The following CCDC112 variants were observed in gnomAD, a reference collection of about 807,000 sequenced individuals.
CCDC112 encodes coiled-coil domain containing 112.
In CCDC112, 40 loss-of-function variants were observed where a neutral mutation model predicts 66.3. That is an observed-to-expected ratio of 0.60 (90% CI 0.47 to 0.79). The LOEUF is 0.79. Among genes scored for constraint, CCDC112 ranks in the 30% least tolerant of loss-of-function variants. The pLI is 0.00. For missense variants in CCDC112, 659 were observed against 603.8 expected, an observed-to-expected ratio of 1.09 and a Z score of -0.96; for synonymous variants, 214 against 197.2, an observed-to-expected ratio of 1.09 and a Z score of -0.71.
At position 115,275,267 on chromosome 5, in the gene CCDC112, C is replaced by T. The variant is rs1298524377; in HGVS notation, c.867G>A (p.Gln289=). The change falls in exon 6 of 10, where the codon CAG becomes CAA. Residue 289 remains glutamine, a synonymous_variant. Coordinates refer to ENST00000379611, the MANE Select transcript of CCDC112 (RefSeq NM_001040440.3). The part of the protein sequence containing the change: ...LPGKTQDEVQ[Q]HEKWYQKFLA... ...GAAACTTTTGATACCATTTTTCATG[C>T]TGTTGAACTTCATCTTGTGTTTTTC... 6.2e-7 allele frequency: 1 copy of T among 1,613,046 alleles called. No individual in the cohort carries two copies. Among genetic ancestry groups the T allele is most frequent in the East Asian group, 2.2e-5 (1 of 44,878 alleles).
intron 5 of CCDC112, 120 bp downstream of exon 5, chr5:115,275,874 T>G: frequency 1.3e-6 from 1 of 761,292 alleles, no homozygotes; most frequent in Non-Finnish European, 2.1e-6. Flanking sequence ...GATATTATAT[T>G]GCTTTTGTAT....
Position 115,279,737 on chromosome 5 carries a change from G to C in CCDC112, c.271C>G (p.His91Asp), listed in dbSNP as rs758298640. Residue 91 changes from histidine to aspartate, a missense_variant, in exon 3 of 10, where the codon CAT becomes GAT. Coordinates refer to ENST00000379611, the MANE Select transcript of CCDC112 (RefSeq NM_001040440.3). ...AAGTCACTTTTTTGGTTGTAGAAAT[G>C]ACTGTGTTTATCTTTTTCCATGTTA... ...VINMEKDKHS[H>D]FYNQKSDFRI... The C allele has an allele frequency of 6.5e-7, 1 of 1,545,254 alleles. No individual in the cohort carries two copies. Among genetic ancestry groups the C allele is most frequent in the Non-Finnish European group, 8.9e-7 (1 of 1,118,914 alleles).
intron 1 of CCDC112, among the ~76,000 whole-genome samples, chr5:115,295,203 T>A (rs1189656912): frequency 1.3e-5 from 2 of 152,122 alleles, no homozygotes; most frequent in Non-Finnish European, 2.9e-5. Flanking sequence ...ATCCAACCCC[T>A]GAGAAGGCAA....
At chr5:115,281,744 G>A (rs981712414) in intron 2 of CCDC112, among the ~76,000 whole-genome samples, 7 of 152,112 alleles carry the variant, frequency 4.6e-5, no homozygotes, top group African/African-American at 1.4e-4. Context: ...CTAATTAATG[G>A]AGACAAGTCG....
chr5:115,290,221 AC>A (rs1262641664), intron 1 of CCDC112, among the ~76,000 whole-genome samples: 1 of 152,154 alleles, frequency 6.6e-6, no homozygotes, highest in African/African-American at 2.4e-5. Flanking sequence ...AATTGTCCAA[AC>A]TTTTGTTGAA....
chr5:115,271,407 CTTCTTT>C lies in CCDC112; in HGVS notation c.1132_1137del (p.Lys378_Glu379del). On this transcript the variant is annotated inframe_deletion, in exon 7 of 10. Coordinates refer to ENST00000379611, the MANE Select transcript of CCDC112 (RefSeq NM_001040440.3). ...TGATGTTTTTTCTCTTTCTCTTCTT[CTTCTTT>C]TAACTGGGAAGCACATTTCATTGAC... is the stretch of plus-strand genomic sequence containing the variant. 6.2e-7 allele frequency: 1 copy of C among 1,608,050 alleles called. No homozygotes were observed. Among genetic ancestry groups the C allele is most frequent in the Non-Finnish European group, 8.5e-7 (1 of 1,178,810 alleles).
At chr5:115,293,499 T>C (rs1750022040) in intron 1 of CCDC112, among the ~76,000 whole-genome samples, 1 of 152,204 alleles carries the variant, frequency 6.6e-6, no homozygotes, top group African/African-American at 2.4e-5. Context: ...TAGGGCTACA[T>C]TCATTCTGGA....
At chr5:115,276,826 T>G in intron 4 of CCDC112, 139 bp downstream of exon 4, 1 of 536,212 alleles carries the variant, frequency 1.9e-6, no homozygotes, top group Non-Finnish European at 3.3e-6. Context: ...AATAAACTTA[T>G]TAAGTCCTAA....
At chr5:115,268,021 C>G in intron 9 of CCDC112, 103 bp from the exon 10 acceptor site, 1 of 861,730 alleles carries the variant, frequency 1.2e-6, no homozygotes, top group Non-Finnish European at 1.9e-6. Context: ...TATAACCTAC[C>G]CTGCATGTTG....
intron 1 of CCDC112, among the ~76,000 whole-genome samples, chr5:115,290,135 G>A (rs549274997): frequency 4.0e-4 from 61 of 152,332 alleles, no homozygotes; most frequent in African/African-American, 1.4e-3. Context: ...TTTTAGACCT[G>A]CATTTAGATC....
At chr5:115,284,677 C>T in intron 2 of CCDC112, 110 bp downstream of exon 2, 1 of 796,496 alleles carries the variant, frequency 1.3e-6, no homozygotes, top group Non-Finnish European at 1.9e-6. Flanking sequence ...CTAGTGATTA[C>T]AATTTTATAA....
chr5:115,275,945 T>C (rs755058930), intron 5 of CCDC112, 49 bp downstream of exon 5: 2 of 1,278,666 alleles, frequency 1.6e-6, no homozygotes, highest in Middle Eastern at 4.2e-4. Flanking sequence ...GGCCAGTTAT[T>C]AAAAAATAAA....
chr5:115,269,890 C>T, intron 7 of CCDC112, 92 bp from the exon 8 acceptor site: 1 of 696,196 alleles, frequency 1.4e-6, no homozygotes, highest in Non-Finnish European at 2.3e-6. Context: ...AATTACCTTA[C>T]CTATCAATAT....
chr5:115,278,929 G>C (rs1462164700), intron 3 of CCDC112, among the ~76,000 whole-genome samples: 1 of 151,974 alleles, frequency 6.6e-6, no homozygotes, highest in Admixed American at 6.6e-5. Context: ...TTTCCTTTAA[G>C]AAATGCTAAG....
intron 2 of CCDC112, chr5:115,280,483 A>C (rs1749405017): frequency 6.6e-6 from 1 of 152,164 alleles, no homozygotes; most frequent in South Asian, 2.1e-4. Context: ...TTTGCACCCT[A>C]AGAGAAAACA....
Sources: gnomAD v4.1 joint callset for allele counts (sites outside exome capture counted in the v4.1 genomes callset) on GRCh38, gnomAD v4.1.1 for gene constraint, MANE v1.5 for transcripts, NCBI Gene and HGNC (gene_info 2026-07-23, HGNC 2026-07-21) for gene names.